ECE1: variants seen among roughly 807,000 people sequenced by gnomAD.
ECE1 encodes the protein endothelin-converting enzyme 1.
A neutral mutation model predicts 98.6 loss-of-function variants in ECE1; 35 were observed. The ratio of observed to expected loss-of-function variants is 0.35; its 90% CI spans 0.27 to 0.47. ECE1 has a LOEUF of 0.47. Ranked by LOEUF, ECE1 falls within the 20% of genes least tolerant of loss-of-function variation. ECE1 has a pLI of 1.00. For synonymous variants in ECE1, 394 were observed against 407.1 expected, an observed-to-expected ratio of 0.97 and a Z score of 0.39; for missense variants, 814 against 1,025.3, an observed-to-expected ratio of 0.79 and a Z score of 2.81.
intron 1 of ECE1, among the ~76,000 whole-genome samples, chr1:21,309,123 C>G (rs1322918841): frequency 1.3e-5 from 2 of 152,222 alleles, no homozygotes; most frequent in African/African-American, 4.8e-5. Flanking sequence ...TCCCCTCACT[C>G]AGGCACACTG....
At chr1:21,315,855 T>C (rs1638820197) in intron 1 of ECE1, among the ~76,000 whole-genome samples, 3 of 151,186 alleles carry the variant, frequency 2.0e-5, no homozygotes, top group Admixed American at 2.0e-4. Context: ...TAGGGCTCTA[T>C]GAATCCACTC....
chr1:21,324,551 G>A (rs889626714), intron 1 of ECE1, among the ~76,000 whole-genome samples: 2 of 152,340 alleles, frequency 1.3e-5, no homozygotes, highest in African/African-American at 4.8e-5. Flanking sequence ...TGAGGAACAA[G>A]TTTGGAGAGG....
At chr1:21,230,050 C>T (rs963714590) in intron 14 of ECE1, among the ~76,000 whole-genome samples, 3 of 151,906 alleles carry the variant, frequency 2.0e-5, no homozygotes, top group Admixed American at 6.6e-5. Flanking sequence ...AAAATACAAA[C>T]ATTAGCCAGG....
intron 17 of ECE1, 95 bp from the exon 18 acceptor site, chr1:21,221,937 G>C (rs1469673061): frequency 9.1e-7 from 1 of 1,103,392 alleles, no homozygotes; most frequent in Non-Finnish European, 1.4e-6. Context: ...CCCGTGTTGG[G>C]GCAAGGACTA....
chr1:21,320,676 G>A (rs529705934), intron 1 of ECE1, among the ~76,000 whole-genome samples: 4 of 152,366 alleles, frequency 2.6e-5, no homozygotes, highest in South Asian at 2.1e-4. Context: ...AAGGACGCAC[G>A]TGTCTGTTCC....
intron 4 of ECE1, among the ~76,000 whole-genome samples, chr1:21,265,728 C>G (rs2098233080): frequency 6.6e-6 from 1 of 152,088 alleles, no homozygotes; most frequent in Non-Finnish European, 1.5e-5. Context: ...ACTCTGAGTT[C>G]AGCAAGACCA....
chr1:21,343,719 G>A lies in ECE1; in HGVS notation c.3+1657C>T, dbSNP rs142634502. On this transcript the variant is annotated intron_variant, in intron 1 of 18. Transcript: ENST00000415912. Reference sequence around the variant, plus strand: ...GGGTTCAAACACAAATTGGTGTGACGTCAAAGCCTGGACTCTTCACAATAG... The same window carrying A: ...GGGTTCAAACACAAATTGGTGTGACATCAAAGCCTGGACTCTTCACAATAG... 9.8e-5 allele frequency among the ~76,000 whole-genome samples: 15 copies of A among 152,302 alleles called. No individual in the cohort carries two copies. The East Asian group carries it at 2.1e-3, about 22-fold the overall frequency.
chr1:21,291,360 T>C (rs1424748781), upstream of ECE1, among the ~76,000 whole-genome samples: 1 of 152,236 alleles, frequency 6.6e-6, no homozygotes, highest in African/African-American at 2.4e-5. Context: ...TTTCTGCTCA[T>C]TCCAAATTTG....
In ECE1 at chr1:21,345,244, CG is replaced by C. The variant is rs1185994759; in HGVS notation, c.3+131del. On this transcript the variant is annotated intron_variant, in intron 1 of 18. Transcript: ENST00000415912. This position sits in a 1 kb window ranked among gnomAD's most constrained non-coding sequence, Gnocchi z 5.1. ...GACTCCACGCCTTCCGAGAGCCGGG[CG>C]GGGGCTGCTGCTGCAGCCGGCGCCC... 1.8e-6 allele frequency: 2 copies of C among 1,139,694 alleles called. No homozygotes were observed. Among genetic ancestry groups the C allele is most frequent in the Admixed American group, 4.7e-5 (1 of 21,208 alleles). 70.6% of individuals were successfully genotyped at this position (1,139,694 alleles called of 1,614,324 possible).
rs1266510389 is a variant in ECE1 at position 21,247,326 on chromosome 1, T to C, written c.1058A>G (p.Asn353Ser). The C allele has an allele frequency of 1.2e-6, 2 of 1,614,150 alleles. No homozygotes were observed. Among genetic ancestry groups the C allele is most frequent in the Non-Finnish European group, 8.5e-7 (1 of 1,180,036 alleles). ...GATCTCCACGGGGTAGAAGATGGTGTTGAGAAAAGGCAACCAGTTGATGGC... is the reference window on the plus strand; with the variant it reads ...GATCTCCACGGGGTAGAAGATGGTGCTGAGAAAAGGCAACCAGTTGATGGC... ...APAINWLPFL[N>S]TIFYPVEINE... The change falls in exon 9 of 19, where the codon AAC becomes AGC. Residue 353 changes from asparagine to serine, a missense_variant. Physicochemically the swap from Asn to Ser is conservative, Grantham distance 46 (BLOSUM62 1). Around this residue, in one of 3 missense-constraint regions of ECE1, gnomAD observed 452 missense variants for 567.3 expected, o/e 0.80. Coordinates refer to ENST00000374893, the MANE Select transcript of ECE1 (RefSeq NM_001397.3).
chr1:21,243,490 A>G (rs2098199262), intron 10 of ECE1, among the ~76,000 whole-genome samples: 1 of 151,174 alleles, frequency 6.6e-6, no homozygotes, highest in Non-Finnish European at 1.5e-5. Flanking sequence ...AAGTGTTAGC[A>G]CTACAGGCGT....
At chr1:21,332,050 G>A (rs1184893592) in intron 1 of ECE1, among the ~76,000 whole-genome samples, 3 of 152,160 alleles carry the variant, frequency 2.0e-5, no homozygotes, top group African/African-American at 4.8e-5. Flanking sequence ...TTCCTCCGTG[G>A]ACTTGAGCTC....
intron 1 of ECE1, among the ~76,000 whole-genome samples, chr1:21,325,077 A>T (rs561079562): frequency 6.6e-6 from 1 of 152,282 alleles, no homozygotes; most frequent in South Asian, 2.1e-4. Context: ...TACACAATAG[A>T]GGGGGGTTGA....
chr1:21,332,371 T>A (rs1415254880), intron 1 of ECE1, among the ~76,000 whole-genome samples: 1 of 151,872 alleles, frequency 6.6e-6, no homozygotes, highest in East Asian at 2.0e-4. Flanking sequence ...AGGCACTTAG[T>A]GTACTGCAGG....
intron 8 of ECE1, among the ~76,000 whole-genome samples, chr1:21,254,068 CAAAAAAAAA>C (rs57691016): frequency 2.0e-5 from 2 of 99,124 alleles, no homozygotes; most frequent in African/African-American, 4.5e-5. Flanking sequence ...GACTTTGTCT[CAAAAAAAAA>C]AAAAAAAAAA....
chr1:21,295,371 A>C (rs145296456), upstream of ECE1, among the ~76,000 whole-genome samples: 51 of 152,354 alleles, frequency 3.3e-4, no homozygotes, highest in African/African-American at 1.2e-3. Flanking sequence ...AAACAAACCC[A>C]AGTAACACAA....
chr1:21,262,475 G>A (rs575114011), intron 4 of ECE1, among the ~76,000 whole-genome samples: 57 of 152,310 alleles, frequency 3.7e-4, no homozygotes, highest in African/African-American at 1.3e-3. Flanking sequence ...AATCGTCATT[G>A]CTCCCCAGGC....
At chr1:21,241,314 G>A (rs555330293) in intron 10 of ECE1, among the ~76,000 whole-genome samples, 1 of 152,196 alleles carries the variant, frequency 6.6e-6, no homozygotes, top group East Asian at 1.9e-4. Context: ...AGGATTATAG[G>A]TGTGAGCCAC....
rs1173492280 is a variant in ECE1, at chr1:21,260,949, A to C, written c.494-557T>G. 6.6e-6 allele frequency among the ~76,000 whole-genome samples: 1 copy of C among 152,210 alleles called. No individual in the cohort carries two copies. Among genetic ancestry groups the C allele is most frequent in the Non-Finnish European group, 1.5e-5 (1 of 68,026 alleles). On this transcript the variant is annotated intron_variant, in intron 4 of 18. Transcript: ENST00000374893. The surrounding 1 kb of genome is among the most constrained non-coding windows in gnomAD (Gnocchi z 4.3). The stretch of plus-strand genomic sequence containing the variant: ...TTCCACCGCCCTTGCCAACTCCAGC[A>C]AGCAGCATCTCCCTCCTGCAGTGGC...
Sources: gnomAD v4.1 joint callset for allele counts (sites outside exome capture counted in the v4.1 genomes callset) on GRCh38, gnomAD v4.1.1 for gene constraint, gnomAD v4.1.1 regional missense constraint, Gnocchi (gnomAD v3.1) non-coding constraint, MANE v1.5 for transcripts, NCBI Gene and HGNC (gene_info 2026-07-23, HGNC 2026-07-21) for gene names.